Variants in MACF1 observed in about 807,000 individuals in gnomAD.
MACF1 encodes microtubule actin crosslinking factor 1.
Under a neutral mutation model 854.8 loss-of-function variants are expected in MACF1, and 193 were observed. The ratio of observed to expected loss-of-function variants is 0.23; its 90% CI spans 0.20 to 0.25. MACF1 has a LOEUF of 0.25. Among genes scored for constraint, MACF1 ranks in the 10% least tolerant of loss-of-function variants. MACF1 has a pLI of 1.00. For synonymous variants in MACF1, 3,185 were observed against 3,226.7 expected (o/e 0.99, Z 0.44); for missense variants, 7,722 against 8,929.1 (o/e 0.86, Z 5.45).
chr1:39,153,600 C>T (rs1317926808), intron 2 of MACF1, among the ~76,000 whole-genome samples: 2 of 152,142 alleles, frequency 1.3e-5, no homozygotes, highest in African/African-American at 4.8e-5. Flanking sequence ...GAAGTAATTA[C>T]CCAGGCCTGG....
At chr1:39,256,111 A>G (rs1005745037) in intron 5 of MACF1, among the ~76,000 whole-genome samples, 2 of 152,240 alleles carry the variant, frequency 1.3e-5, no homozygotes, top group Non-Finnish European at 2.9e-5. Flanking sequence ...TGGGATATCA[A>G]TATAAATGCT....
intron 92 of MACF1, among the ~76,000 whole-genome samples, chr1:39,461,319 T>C (rs1422610914): frequency 6.6e-6 from 1 of 152,064 alleles, no homozygotes; most frequent in African/African-American, 2.4e-5. Context: ...AGTGGATGAG[T>C]ATATTCTTGA....
chr1:39,448,584 G>T lies in MACF1; in HGVS notation c.20089-10G>T. 1 of 1,470,048 alleles carries T rather than the reference G, an allele frequency of 6.8e-7. No individual in the cohort carries two copies. The highest frequency in any genetic ancestry group is 9.1e-7 in the Non-Finnish European group (1 of 1,104,954). 91.1% of individuals were successfully genotyped at this position (1,470,048 alleles called of 1,614,324 possible). A position where few individuals can be genotyped will look rare whatever the true frequency, so the allele number is the denominator to read the frequency against. ...TTTAACACTTTTTTCTTTTCTTTCT[G>T]GAAACATAGGAGTTTCAGAAGACTC... On this transcript the variant is annotated splice_polypyrimidine_tract_variant and intron_variant, in intron 83 of 100. Transcript: ENST00000564288.
chr1:39,123,717 G>GTTTTTTTTTTTT (rs1170430073), intron 2 of MACF1, among the ~76,000 whole-genome samples: 1 of 100,468 alleles, frequency 1.0e-5, no homozygotes, highest in Non-Finnish European at 1.8e-5. Flanking sequence ...TTCTTGTTTT[G>GTTTTTTTTTTTT]TTTTTTTTTT....
intron 2 of MACF1, among the ~76,000 whole-genome samples, chr1:39,107,236 C>T (rs1642267894): frequency 6.6e-6 from 1 of 152,048 alleles, no homozygotes; most frequent in Non-Finnish European, 1.5e-5. Context: ...GTACTGGTGA[C>T]CTCCAGCGGA....
rs17570718 is a variant in MACF1 at position 39,336,496 on chromosome 1, A to T, written c.9908A>T (p.Lys3303Met). 6.2e-7 allele frequency: 1 copy of T among 1,614,200 alleles called. No individual in the cohort carries two copies. The highest frequency in any genetic ancestry group is 2.2e-5 in the East Asian group (1 of 44,888). ...ACTGTTCTAGAGACCAGTGAAGAAA[A>T]GACAGTGTCCCTAACAGTATGCTCT... ...SPTVLETSEE[K>M]TVSLTVCSAV... Residue 3303 changes from lysine to methionine, a missense_variant, in exon 37 of 101, where the codon AAG becomes ATG. Lys to Met is a moderately conservative substitution (Grantham distance 95). Coordinates refer to ENST00000564288, the MANE Select transcript of MACF1 (RefSeq NM_001394062.1).
intron 2 of MACF1, among the ~76,000 whole-genome samples, chr1:39,244,780 T>C (rs1207415303): frequency 2.0e-5 from 3 of 152,120 alleles, no homozygotes; most frequent in African/African-American, 4.8e-5. Context: ...GGTTTTGTCA[T>C]GTTCACTAGG....
chr1:39,309,064 T>G (rs1646246436), intron 23 of MACF1, among the ~76,000 whole-genome samples: 1 of 152,164 alleles, frequency 6.6e-6, no homozygotes. Context: ...ATATAATCCT[T>G]TTTCAACAAT....
At chr1:39,359,325 C>A in intron 47 of MACF1, 61 bp downstream of exon 47, 1 of 1,558,546 alleles carries the variant, frequency 6.4e-7, no homozygotes, top group Non-Finnish European at 8.8e-7. Flanking sequence ...CTCTATTCTG[C>A]AATATGTCAC....
chr1:39,410,942 C>CAAA (rs1418204762), intron 58 of MACF1: 4 of 1,613,872 alleles, frequency 2.5e-6, no homozygotes, highest in Non-Finnish European at 3.4e-6. Context: ...CAGCACAGTG[C>CAAA]AAACCCTCCT....
At position 39,455,055 on chromosome 1, in the gene MACF1, G is replaced by T. The variant is rs147729421; in HGVS notation, c.21033G>T (p.Pro7011=). 2 of 1,614,138 alleles carry T rather than the reference G, an allele frequency of 1.2e-6. No homozygotes were observed. The highest frequency in any genetic ancestry group is 1.7e-6 in the Non-Finnish European group (2 of 1,180,018). The part of the protein sequence containing the change: ...TLIQRDQEPI[P]QNIDRVKALI... ...TTCAGCGGGATCAGGAGCCAATCCC[G>T]CAGAACATTGACCGAGTTAAAGCCC... Residue 7011 remains proline (P), a synonymous_variant, in exon 89 of 101, where the codon CCG becomes CCT. Coordinates refer to ENST00000564288, the MANE Select transcript of MACF1 (RefSeq NM_001394062.1).
intron 2 of MACF1, among the ~76,000 whole-genome samples, chr1:39,164,621 G>A (rs1041903672): frequency 1.3e-5 from 2 of 152,164 alleles, no homozygotes; most frequent in Non-Finnish European, 2.9e-5. Context: ...CTTTTCTCTT[G>A]TAGTGGTAAG....
chr1:39,226,820 A>G (rs1202010687), intron 1 of MACF1, among the ~76,000 whole-genome samples: 1 of 152,212 alleles, frequency 6.6e-6, no homozygotes, highest in African/African-American at 2.4e-5. Context: ...TACAGCAAAC[A>G]TACATAGCTT....
intron 2 of MACF1, among the ~76,000 whole-genome samples, chr1:39,248,642 G>A (rs76338710): frequency 0.016 from 2,491 of 152,270 alleles, 74 homozygotes; most frequent in African/African-American, 0.057. Flanking sequence ...TCTGAAAGTA[G>A]CCCTTTCTAG....
chr1:39,092,579 T>C (rs1641833035), intron 2 of MACF1, among the ~76,000 whole-genome samples: 1 of 152,218 alleles, frequency 6.6e-6, no homozygotes, highest in African/African-American at 2.4e-5. Context: ...CCTTTGCAGT[T>C]ATTCAAGTGC....
chr1:39,258,687 A>G (rs1040711868), intron 6 of MACF1, among the ~76,000 whole-genome samples: 1 of 152,228 alleles, frequency 6.6e-6, no homozygotes, highest in Admixed American at 6.5e-5. Flanking sequence ...TCAGCCAAAC[A>G]AAGCTATTTC....
chr1:39,183,757 C>CT (rs1395267385), intron 2 of MACF1, among the ~76,000 whole-genome samples: 1 of 152,164 alleles, frequency 6.6e-6, no homozygotes, highest in Admixed American at 6.5e-5. Context: ...ATCCTCACTT[C>CT]TTTCATCATT....
At chr1:39,114,774 GC>G (rs1210192707) in intron 2 of MACF1, among the ~76,000 whole-genome samples, 1 of 152,152 alleles carries the variant, frequency 6.6e-6, no homozygotes, top group Non-Finnish European at 1.5e-5. Flanking sequence ...TGTAGGGAGG[GC>G]TATCATATAG....
In MACF1 at chr1:39,469,628, G is replaced by A. The variant is rs80256827; in HGVS notation, c.21958+13G>A. 2 of 1,548,080 alleles carry A rather than the reference G, an allele frequency of 1.3e-6. No individual in the cohort carries two copies. The highest frequency in any genetic ancestry group is 1.4e-5 in the African/African-American group (1 of 73,098). On this transcript the variant is annotated intron_variant, in intron 97 of 100. Transcript: ENST00000564288. ...CAGTCTCCCATAGGTTGGCTTTTAA[G>A]CTTTGTCCCTCTTCCTCACACCCTA...
Sources: allele counts gnomAD v4.1 joint callset (sites outside exome capture counted in the v4.1 genomes callset), GRCh38; gene constraint gnomAD v4.1.1; transcripts MANE v1.5; gene names NCBI Gene and HGNC (gene_info 2026-07-23, HGNC 2026-07-21).